SCRIB: variants seen among roughly 807,000 people sequenced by gnomAD.
SCRIB encodes the protein protein scribble homolog.
SCRIB carries 72 observed loss-of-function variants against 170.0 expected under a neutral mutation model. That is an observed-to-expected ratio of 0.42 (90% CI 0.35 to 0.52). The LOEUF is 0.52. SCRIB is among the 20% of genes least tolerant of loss of function. The probability of loss-of-function intolerance (pLI) is 0.02; values close to 1 mark genes in which losing one functional copy is unlikely to be tolerated. For missense variants in SCRIB, 2,475 were observed against 2,338.5 expected, an observed-to-expected ratio of 1.06 and a Z score of -1.20; for synonymous variants, 1,298 against 1,044.3, an observed-to-expected ratio of 1.24 and a Z score of -4.68.
At chr8:143,794,842 C>T (rs535898112) in intron 27 of SCRIB, among the ~76,000 whole-genome samples, 196 bp downstream of exon 27, 61 of 152,212 alleles carry the variant, frequency 4.0e-4, no homozygotes, top group African/African-American at 1.2e-3. Context: ...TGGGGCAGCA[C>T]CAACATGGCT....
At chr8:143,813,585 G>A (rs1815862500) in intron 4 of SCRIB, 52 bp downstream of exon 4, 13 of 1,612,226 alleles carry the variant, frequency 8.1e-6, no homozygotes, top group Middle Eastern at 3.3e-4. Context: ...GCAGGGGCAG[G>A]GCCAATCCTG....
In SCRIB at chr8:143,792,148, G is replaced by A. The variant is rs372370347; in HGVS notation, c.4515-15C>T. 355 of 1,561,400 alleles carry A rather than the reference G, an allele frequency of 2.3e-4. 1 individual carries two copies. The highest frequency in any genetic ancestry group is 2.7e-4 in the Non-Finnish European group (318 of 1,158,796). On this transcript the variant is annotated splice_polypyrimidine_tract_variant and intron_variant, in intron 32 of 36. Coordinates refer to ENST00000356994, the MANE Select transcript of SCRIB (RefSeq NM_182706.5). Reference sequence around the variant, plus strand: ...ATGACTTCATCCTGCAGAGAACAGCGGGCAGGGGTGACTTGGGGCAGGAGC... The same window carrying A: ...ATGACTTCATCCTGCAGAGAACAGCAGGCAGGGGTGACTTGGGGCAGGAGC...
rs556086275 is a variant in SCRIB, at chr8:143,810,512, C to G, written c.1497G>C (p.Gln499His). The part of the protein sequence containing the change: ...EGRRSEACPC[Q>H]PDSGSPLPAE... Reference sequence around the variant, plus strand: ...CAGGCAAGGGCGACCCAGAGTCTGGCTGGCAAGGGCAGGCCTCGCTCCGCC... The same window carrying G: ...CAGGCAAGGGCGACCCAGAGTCTGGGTGGCAAGGGCAGGCCTCGCTCCGCC... The change falls in exon 13 of 37, where the codon CAG (glutamine) becomes CAC (histidine). Residue 499 changes from glutamine to histidine, a missense_variant. Gln to His is a conservative substitution (Grantham distance 24, BLOSUM62 0). Coordinates refer to ENST00000356994, the MANE Select transcript of SCRIB (RefSeq NM_182706.5). The G allele has an allele frequency of 6.2e-7, 1 of 1,612,080 alleles. No individual in the cohort carries two copies.
At position 143,810,594 on chromosome 8, in the gene SCRIB, C is replaced by T; in HGVS notation, c.1415G>A (p.Arg472His). Residue 472 changes from arginine (R) to histidine (H), a missense_variant, in exon 13 of 37, where the codon CGC becomes CAC. Around this residue, in one of 3 missense-constraint regions of SCRIB, gnomAD observed 1,966 missense variants for 1,742.9 expected, o/e 1.13. Transcript: ENST00000356994. ...EAAAEKRGLQ[R>H]RATPHPSELK... ...CTCGCTGGGGTGAGGTGTGGCCCGG[C>T]GCTGTAGGCCCTGTTGTAGGGACAA... 3 of 1,613,460 alleles carry T rather than the reference C, an allele frequency of 1.9e-6. No homozygotes were observed. The highest frequency in any genetic ancestry group is 1.1e-5 in the South Asian group (1 of 91,060).
Position 143,805,409 on chromosome 8 carries a change from G to A in SCRIB, c.2373C>T (p.Ala791=), listed in dbSNP as rs782274524. Reference sequence around the variant, plus strand: ...GCGCCTCCACGGCCTCGTGGTGCTCGGCGCCCTGCAGAGCCACACCATTCA... The same window carrying A: ...GCGCCTCCACGGCCTCGTGGTGCTCAGCGCCCTGCAGAGCCACACCATTCA... ...LEVNGVALQG[A]EHHEAVEALR... Residue 791 remains alanine (A), a synonymous_variant, in exon 19 of 37, where the codon GCC becomes GCT. Transcript: ENST00000356994. 10 of 1,526,740 alleles carry A rather than the reference G, an allele frequency of 6.5e-6. No individual in the cohort carries two copies. Among genetic ancestry groups the A allele is most frequent in the African/African-American group, 2.8e-5 (2 of 72,432 alleles). 94.6% of individuals were successfully genotyped at this position (1,526,740 alleles called of 1,614,324 possible). A position where few individuals can be genotyped will look rare whatever the true frequency, so the allele number is the denominator to read the frequency against.
chr8:143,815,160 G>A (rs1816014202), intron 1 of SCRIB, 54 bp downstream of exon 1: 3 of 1,468,442 alleles, frequency 2.0e-6, no homozygotes, highest in African/African-American at 2.9e-5. Context: ...TGCCGCCGGA[G>A]GAATCACGGG....
At chr8:143,810,392 G>C in intron 13 of SCRIB, 87 bp downstream of exon 13, 1 of 1,536,124 alleles carries the variant, frequency 6.5e-7, no homozygotes, top group Non-Finnish European at 8.8e-7. Flanking sequence ...TGCTGCCCTG[G>C]CCCTCACAGC....
chr8:143,815,413 C>A lies in SCRIB; in HGVS notation c.-41G>T. 1.7e-6 allele frequency: 2 copies of A among 1,159,560 alleles called. No homozygotes were observed. Among genetic ancestry groups the A allele is most frequent in the Non-Finnish European group, 1.1e-6 (1 of 937,784 alleles). 71.8% of individuals were successfully genotyped at this position (1,159,560 alleles called of 1,614,324 possible). A position where few individuals can be genotyped will look rare whatever the true frequency, so the allele number is the denominator to read the frequency against. The stretch of plus-strand genomic sequence containing the variant: ...CGCGGGCTCCGGCGGCGGCGCTCGG[C>A]GGGCTCGGGGCCGGGGGGCGGGGCT... On this transcript the variant is annotated 5_prime_UTR_variant, in exon 1 of 37. Coordinates refer to ENST00000356994, the MANE Select transcript of SCRIB (RefSeq NM_182706.5).
At chr8:143,805,509 C>T (rs994894579) in intron 18 of SCRIB, 74 bp from the exon 19 acceptor site, 5 of 1,366,674 alleles carry the variant, frequency 3.7e-6, no homozygotes, top group South Asian at 1.5e-5. Flanking sequence ...GGGCTCCACA[C>T]GCTCCCTCCA....
rs1554633337 is a variant in SCRIB, at chr8:143,792,985, G to C, written c.4008C>G (p.Ala1336=). 5 of 1,510,060 alleles carry C rather than the reference G, an allele frequency of 3.3e-6. No homozygotes were observed. The East Asian group carries it at 9.7e-5, about 29-fold the overall frequency. 93.5% of individuals were successfully genotyped at this position (1,510,060 alleles called of 1,614,324 possible). ...AVPTSHPPED[A]PAQPPTPGPA... is the part of the protein sequence containing the mutation. ...TGCTGCCCCCACACACCTGGGCAGG[G>C]GCATCCTCAGGCGGGTGAGAAGTGG... Residue 1336 remains alanine (A), a synonymous_variant, in exon 29 of 37, where the codon GCC becomes GCG. Coordinates refer to ENST00000356994, the MANE Select transcript of SCRIB (RefSeq NM_182706.5).
chr8:143,798,217 C>G (rs1158693266), intron 24 of SCRIB, among the ~76,000 whole-genome samples: 1 of 151,802 alleles, frequency 6.6e-6, no homozygotes, highest in Non-Finnish European at 1.5e-5. Context: ...GATCGTGCCA[C>G]TGCACTTCAG....
chr8:143,792,004 G>A lies in SCRIB; in HGVS notation c.4644C>T (p.Pro1548=), dbSNP rs782757183. The A allele has an allele frequency of 3.9e-6, 6 of 1,527,478 alleles. No homozygotes were observed. The Admixed American group carries it at 6.3e-5, about 16-fold the overall frequency. The allele number at this position is 1,527,478 out of a possible 1,614,324, so 94.6% of individuals were successfully genotyped here. A position where few individuals can be genotyped will look rare whatever the true frequency, so the allele number is the denominator to read the frequency against. ...EAPSPAPTPS[P]TPVEDLGPQT... ...TGACCCACAGACCTTCCACAGGGGT[G>A]GGCGACGGGGTGGGCGCAGGGGAAG... Residue 1548 remains proline (P), a synonymous_variant, in exon 33 of 37, where the codon CCC becomes CCT. Coordinates refer to ENST00000356994, the MANE Select transcript of SCRIB (RefSeq NM_182706.5).
chr8:143,808,950 G>C lies in SCRIB; in HGVS notation c.1774C>G (p.Pro592Ala). 6.2e-7 allele frequency: 1 copy of C among 1,612,904 alleles called. No individual in the cohort carries two copies. Among genetic ancestry groups the C allele is most frequent in the Non-Finnish European group, 8.5e-7 (1 of 1,179,992 alleles). Residue 592 changes from proline (P) to alanine (A), a missense_variant, in exon 15 of 37, where the codon CCC becomes GCC. This residue lies in a region of SCRIB where 1,966 missense variants were observed against 1,742.9 expected (regional missense o/e 1.13). Coordinates refer to ENST00000356994, the MANE Select transcript of SCRIB (RefSeq NM_182706.5). ...TGCCTCCCGCCTGGCAGGGTCCAGG[G>C]GGCCTCAGGCTGCCCCTCCTCGATC... ...REIEEGQPEA[P>A]WTLPGGRQRL... is the part of the protein sequence containing the mutation.
intron 8 of SCRIB, 122 bp from the exon 9 acceptor site, chr8:143,812,506 C>T: frequency 3.8e-6 from 3 of 785,268 alleles, no homozygotes; most frequent in Non-Finnish European, 6.4e-6. Context: ...CGCCGCCGTA[C>T]TTCGGGAGGA....
chr8:143,790,985 A>T lies in SCRIB; in HGVS notation c.*178T>A. On this transcript the variant is annotated 3_prime_UTR_variant, in exon 37 of 37. Coordinates refer to ENST00000356994, the MANE Select transcript of SCRIB (RefSeq NM_182706.5). ...AAATAGAGTCTTTGGTTGTACAAAC[A>T]TCACTAGTTACAGTCTCGCCGAGGT... 5.5e-6 allele frequency: 3 copies of T among 543,560 alleles called. No individual in the cohort carries two copies. Among genetic ancestry groups the T allele is most frequent in the Non-Finnish European group, 8.6e-6 (3 of 347,610 alleles). 33.7% of individuals were successfully genotyped at this position (543,560 alleles called of 1,614,324 possible).
chr8:143,813,549 G>T (rs779821197), intron 4 of SCRIB, 23 bp from the exon 5 acceptor site: 2 of 1,613,192 alleles, frequency 1.2e-6, no homozygotes. Context: ...CCAGGCGCTG[G>T]GGCAAGAGGA....
Position 143,809,543 on chromosome 8 carries a change from A to G in SCRIB, c.1698+8T>C, listed in dbSNP as rs772434062. Reference sequence around the variant, plus strand: ...CCAGCCTCCTGCCTCCTTCCTGCCAATCCACACCTCCTGGTAGTCCTCTTC... The same window carrying G: ...CCAGCCTCCTGCCTCCTTCCTGCCAGTCCACACCTCCTGGTAGTCCTCTTC... On this transcript the variant is annotated splice_region_variant and intron_variant, in intron 14 of 36. Transcript: ENST00000356994. The G allele has an allele frequency of 2.6e-5, 42 of 1,604,158 alleles. No individual in the cohort carries two copies. Among genetic ancestry groups the G allele is most frequent in the Non-Finnish European group, 3.3e-5 (39 of 1,174,742 alleles).
chr8:143,815,240 C>T lies in SCRIB; in HGVS notation c.133G>A (p.Ala45Thr). The change falls in exon 1 of 37, where the codon GCC becomes ACC. Residue 45 changes from alanine (A) to threonine (T), a missense_variant. Ala to Thr is a moderately conservative substitution (Grantham distance 58). Coordinates refer to ENST00000356994, the MANE Select transcript of SCRIB (RefSeq NM_182706.5). ...TTGGGCAGCTCGCGCAGCTGGTTGGCGTCGAGCAGCAGCTCCTCCAGGCTG... is the reference window on the plus strand; with the variant it reads ...TTGGGCAGCTCGCGCAGCTGGTTGGTGTCGAGCAGCAGCTCCTCCAGGCTG... The part of the protein sequence containing the change: ...SRSLEELLLD[A>T]NQLRELPKPF... 2 of 1,592,366 alleles carry T rather than the reference C, an allele frequency of 1.3e-6. No homozygotes were observed. The highest frequency in any genetic ancestry group is 1.1e-5 in the South Asian group (1 of 89,422).
Position 143,813,852 on chromosome 8 carries a change from C to T in SCRIB, c.322G>A (p.Glu108Lys). Reference protein sequence around the residue: ...PESIKFCKALEIADFSGNPLS... With the variant: ...PESIKFCKALKIADFSGNPLS... ...GGGTTCCCGCTGAAGTCCGCGATCT[C>T]CAGAGCCTTGCAGAACTTGATGCTC... The change falls in exon 3 of 37, where the codon GAG becomes AAG. Residue 108 changes from glutamate (E) to lysine (K), a missense_variant. Coordinates refer to ENST00000356994, the MANE Select transcript of SCRIB (RefSeq NM_182706.5). The T allele has an allele frequency of 6.2e-7, 1 of 1,610,472 alleles. No individual in the cohort carries two copies. Among genetic ancestry groups the T allele is most frequent in the Non-Finnish European group, 8.5e-7 (1 of 1,177,872 alleles).
Sources: allele counts gnomAD v4.1 joint callset (sites outside exome capture counted in the v4.1 genomes callset), GRCh38; gene constraint gnomAD v4.1.1; regional missense constraint gnomAD v4.1.1; transcripts MANE v1.5; gene names NCBI Gene and HGNC (gene_info 2026-07-23, HGNC 2026-07-21).